TMEM132D: variants seen among roughly 807,000 people sequenced by gnomAD.
TMEM132D encodes mature OL transmembrane protein.
A neutral mutation model predicts 62.3 loss-of-function variants in TMEM132D; 21 were observed. That is an observed-to-expected ratio of 0.34 (90% CI 0.24 to 0.49). The LOEUF is 0.49. Among genes scored for constraint, TMEM132D ranks in the 20% least tolerant of loss-of-function variants. The pLI is 0.99. For missense variants in TMEM132D, 1,346 were observed against 1,402.8 expected, an observed-to-expected ratio of 0.96 and a Z score of 0.65; for synonymous variants, 621 against 575.6, an observed-to-expected ratio of 1.08 and a Z score of -1.13.
chr12:129,640,529 T>C (rs763848586), intron 2 of TMEM132D, among the ~76,000 whole-genome samples: 56 of 152,256 alleles, frequency 3.7e-4, no homozygotes, highest in African/African-American at 7.5e-4. Flanking sequence ...CAGTGAGCTA[T>C]TGGGGAAAGA....
At chr12:129,363,039 A>G (rs1870297070) in intron 3 of TMEM132D, among the ~76,000 whole-genome samples, 1 of 152,210 alleles carries the variant, frequency 6.6e-6, no homozygotes, top group Non-Finnish European at 1.5e-5. Context: ...GCTTCTTCAT[A>G]CACTCCTTCC....
intron 1 of TMEM132D, among the ~76,000 whole-genome samples, chr12:129,717,637 G>C (rs1407913402): frequency 1.3e-5 from 2 of 150,152 alleles, no homozygotes; most frequent in African/African-American, 4.9e-5. Flanking sequence ...AATGTGTCCA[G>C]TGTGATTCAA....
chr12:129,799,561 G>C (rs1321489763), intron 1 of TMEM132D, among the ~76,000 whole-genome samples: 4 of 152,060 alleles, frequency 2.6e-5, no homozygotes, highest in Admixed American at 1.3e-4. Flanking sequence ...TCTCCACCGA[G>C]CATGTGACCC....
At chr12:129,143,375 G>A (rs1876799324) in intron 5 of TMEM132D, among the ~76,000 whole-genome samples, 1 of 152,162 alleles carries the variant, frequency 6.6e-6, no homozygotes, top group South Asian at 2.1e-4. Flanking sequence ...GCTTTCCCAG[G>A]ATGCCACCCT....
At chr12:129,238,967 C>A (rs1373001624) in intron 4 of TMEM132D, among the ~76,000 whole-genome samples, 1 of 151,494 alleles carries the variant, frequency 6.6e-6, no homozygotes. Flanking sequence ...TCAGTCTCTC[C>A]TCATCCTCAT....
intron 2 of TMEM132D, among the ~76,000 whole-genome samples, chr12:129,649,094 C>T (rs1178002181): frequency 6.6e-6 from 1 of 152,134 alleles, no homozygotes; most frequent in Non-Finnish European, 1.5e-5. Flanking sequence ...CCCATGTTCT[C>T]AAATGAAGAA....
intron 2 of TMEM132D, among the ~76,000 whole-genome samples, chr12:129,662,633 T>A (rs1345587128): frequency 2.6e-5 from 4 of 151,646 alleles, no homozygotes; most frequent in African/African-American, 9.7e-5. Flanking sequence ...TCTCTACTGA[T>A]AATACAAAAA....
chr12:129,763,432 C>CTT (rs3046897), intron 1 of TMEM132D, among the ~76,000 whole-genome samples: 36,454 of 142,434 alleles, frequency 0.26, 4,829 homozygotes, highest in South Asian at 0.29. Context: ...AGATTTCTGG[C>CTT]TTTTTTTTTT....
chr12:129,247,775 A>G (rs537750762), intron 4 of TMEM132D, among the ~76,000 whole-genome samples: 100 of 152,296 alleles, frequency 6.6e-4, no homozygotes, highest in African/African-American at 2.2e-3. Flanking sequence ...GCTGGCAAGG[A>G]AATAGAAAAC....
intron 3 of TMEM132D, among the ~76,000 whole-genome samples, chr12:129,477,092 T>A (rs1874285680): frequency 6.6e-6 from 1 of 152,164 alleles, no homozygotes; most frequent in African/African-American, 2.4e-5. Context: ...TAAAAATTAG[T>A]TTCATTTGAT....
At chr12:129,716,761 T>A (rs1168894073) in intron 1 of TMEM132D, among the ~76,000 whole-genome samples, 1 of 151,752 alleles carries the variant, frequency 6.6e-6, no homozygotes, top group Non-Finnish European at 1.5e-5. Context: ...AAGAGGGAGG[T>A]AGGAGTGGAG....
intron 4 of TMEM132D, among the ~76,000 whole-genome samples, chr12:129,304,204 A>G (rs1400015684): frequency 1.3e-5 from 2 of 152,210 alleles, no homozygotes; most frequent in African/African-American, 2.4e-5. Context: ...GGCTGGTGTG[A>G]TCTTTCAAAA....
chr12:129,231,531 C>A lies in TMEM132D; in HGVS notation c.1300-21868G>T, dbSNP rs143729746. 3.4e-3 allele frequency among the ~76,000 whole-genome samples: 518 copies of A among 152,256 alleles called. 3 individuals carry two copies. Among genetic ancestry groups the A allele is most frequent in the African/African-American group, 0.012 (487 of 41,548 alleles). ...CAGAGCAAGAAAATAACCAATTGTT[C>A]TTTTATTGGTTGGGAGGTCCACACT... is the stretch of plus-strand genomic sequence containing the variant. On this transcript the variant is annotated intron_variant, in intron 4 of 8. Transcript: ENST00000422113.
chr12:129,301,594 C>G (rs1226321949), intron 4 of TMEM132D, among the ~76,000 whole-genome samples: 2 of 152,180 alleles, frequency 1.3e-5, no homozygotes, highest in East Asian at 3.8e-4. Flanking sequence ...CAGTTTCATC[C>G]ATAAAGACAG....
In TMEM132D at chr12:129,896,462, T is replaced by G. The variant is rs1875137679; in HGVS notation, c.79+6799A>C. 2.0e-5 allele frequency among the ~76,000 whole-genome samples: 3 copies of G among 152,302 alleles called. No homozygotes were observed. In the South Asian group the frequency reaches 6.2e-4, roughly 32 times the overall value. ...CCACAATATCCTGCCAAACACTCTT[T>G]GAGTCTCGGCAGGCTATTTTATCAC... On this transcript the variant is annotated intron_variant, in intron 1 of 8. Transcript: ENST00000422113.
At chr12:129,688,984 T>C (rs570772165) in intron 2 of TMEM132D, among the ~76,000 whole-genome samples, 5 of 152,294 alleles carry the variant, frequency 3.3e-5, no homozygotes, top group South Asian at 4.1e-4. Context: ...TATCTGGACA[T>C]ATTTTTCAGT....
chr12:129,617,067 G>GA (rs1878939326), intron 2 of TMEM132D, among the ~76,000 whole-genome samples: 1 of 152,134 alleles, frequency 6.6e-6, no homozygotes, highest in Non-Finnish European at 1.5e-5. Flanking sequence ...GCATTTCTCA[G>GA]ACTCCTGTAC....
chr12:129,809,788 A>G (rs7979368), intron 1 of TMEM132D, among the ~76,000 whole-genome samples: 10,977 of 152,202 alleles, frequency 0.072, 1,041 homozygotes, highest in African/African-American at 0.22. Context: ...TACATGATGA[A>G]AAGTAGCAAT....
intron 4 of TMEM132D, among the ~76,000 whole-genome samples, chr12:129,260,918 G>A (rs769958221): frequency 2.0e-5 from 3 of 152,090 alleles, no homozygotes; most frequent in South Asian, 2.1e-4. Context: ...TTGGTTGCTG[G>A]GCACTGAGGT....
Sources: gnomAD v4.1 joint callset for allele counts (sites outside exome capture counted in the v4.1 genomes callset) on GRCh38, gnomAD v4.1.1 for gene constraint, MANE v1.5 for transcripts, NCBI Gene and HGNC (gene_info 2026-07-23, HGNC 2026-07-21) for gene names.